The following CNTN3 variants were observed in gnomAD, a reference collection of about 807,000 sequenced individuals.
The protein encoded by CNTN3 is contactin-3.
In CNTN3, 60 loss-of-function variants were observed where a neutral mutation model predicts 119.1. The ratio of observed to expected loss-of-function variants is 0.50; its 90% CI spans 0.41 to 0.62. The LOEUF (loss-of-function observed/expected upper bound fraction) is 0.62, where lower values mean the gene tolerates loss of function less well. Among genes scored for constraint, CNTN3 ranks in the 20% least tolerant of loss-of-function variants. The pLI, the probability that CNTN3 is intolerant of heterozygous loss-of-function variation, is 0.00. For synonymous variants in CNTN3, 450 were observed against 438.7 expected, an observed-to-expected ratio of 1.03 and a Z score of -0.32; for missense variants, 1,101 against 1,242.4, an observed-to-expected ratio of 0.89 and a Z score of 1.71.
intron 15 of CNTN3, 33 bp from the exon 16 acceptor site, chr3:74,301,580 C>T: frequency 6.2e-7 from 1 of 1,612,242 alleles, no homozygotes; most frequent in Non-Finnish European, 8.5e-7. Context: ...TAAGAGTCTG[C>T]CTGCTTTAGC....
At chr3:74,443,746 G>A (rs1001788359) in intron 4 of CNTN3, among the ~76,000 whole-genome samples, 1 of 152,042 alleles carries the variant, frequency 6.6e-6, no homozygotes, top group Non-Finnish European at 1.5e-5. Flanking sequence ...CTAGGAGGTC[G>A]TTATTAATAG....
intron 4 of CNTN3, among the ~76,000 whole-genome samples, chr3:74,445,753 A>G (rs1242645651): frequency 1.3e-5 from 2 of 152,222 alleles, no homozygotes. Context: ...TAAGAATCAC[A>G]GGACAAGACA....
Position 74,463,493 on chromosome 3 carries a change from C to T in CNTN3, c.358+22963G>A, listed in dbSNP as rs189177066. On this transcript the variant is annotated intron_variant, in intron 4 of 22. Transcript: ENST00000263665. ...ATGGTTCTTTCTCTCATTATGATGC[C>T]GACCCCCTTCGTGAATGCCACTATG... is the stretch of plus-strand genomic sequence containing the variant. Among the ~76,000 whole-genome samples, 316 of 152,114 alleles carry T rather than the reference C, an allele frequency of 2.1e-3. 1 individual carries two copies. The highest frequency in any genetic ancestry group is 7.2e-3 in the African/African-American group (299 of 41,510).
chr3:74,395,159 CACAGG>C (rs1211212740), intron 5 of CNTN3, among the ~76,000 whole-genome samples: 1 of 152,090 alleles, frequency 6.6e-6, no homozygotes, highest in Non-Finnish European at 1.5e-5. Context: ...CCCTCAGCAT[CACAGG>C]ACAGGAACAT....
At chr3:74,466,349 A>C (rs776071527) in intron 4 of CNTN3, among the ~76,000 whole-genome samples, 29 of 152,182 alleles carry the variant, frequency 1.9e-4, no homozygotes, top group Non-Finnish European at 4.0e-4. Context: ...CAACACCAAA[A>C]TACAGTGTTA....
chr3:74,583,593 A>G (rs564734005), intron 1 of CNTN3, among the ~76,000 whole-genome samples: 1 of 152,176 alleles, frequency 6.6e-6, no homozygotes, highest in Non-Finnish European at 1.5e-5. Context: ...ACTGGAAATG[A>G]CCATGAGAGG....
At chr3:74,580,219 A>G (rs891483118) in intron 1 of CNTN3, among the ~76,000 whole-genome samples, 45 of 152,348 alleles carry the variant, frequency 3.0e-4, no homozygotes, top group African/African-American at 1.1e-3. Flanking sequence ...ATCAAAATAA[A>G]TTTTATCTAT....
In CNTN3 at chr3:74,394,441, A is replaced by G. The variant is rs1218684535; in HGVS notation, c.455-23042T>C. On this transcript the variant is annotated intron_variant, in intron 5 of 22. Coordinates refer to ENST00000263665, the MANE Select transcript of CNTN3 (RefSeq NM_020872.3). ...CCATTATAGAGCAAAATGGCAAAAG[A>G]TCTATCATTCCAGTGACATCAAGGG... Among the ~76,000 whole-genome samples the G allele has an allele frequency of 4.6e-5, 7 of 152,170 alleles. No homozygotes were observed. In the East Asian group the frequency reaches 1.4e-3, roughly 29 times the overall value.
chr3:74,320,398 C>G (rs1478971491), intron 13 of CNTN3, among the ~76,000 whole-genome samples: 1 of 152,062 alleles, frequency 6.6e-6, no homozygotes, highest in Non-Finnish European at 1.5e-5. Context: ...AACCATCACT[C>G]TCAGCAAACT....
intron 3 of CNTN3, among the ~76,000 whole-genome samples, chr3:74,489,723 A>G (rs1702928226): frequency 6.9e-6 from 1 of 144,510 alleles, no homozygotes; most frequent in South Asian, 2.1e-4. Flanking sequence ...TCATTGGTTT[A>G]TCAGTTGGAC....
At chr3:74,372,015 C>T (rs1019143112) in intron 5 of CNTN3, among the ~76,000 whole-genome samples, 4 of 152,126 alleles carry the variant, frequency 2.6e-5, no homozygotes, top group African/African-American at 9.7e-5. Context: ...AAGCTTGGTT[C>T]CAACATCAGG....
intron 11 of CNTN3, among the ~76,000 whole-genome samples, chr3:74,341,453 A>T (rs1471872300): frequency 6.6e-6 from 1 of 152,202 alleles, no homozygotes; most frequent in Non-Finnish European, 1.5e-5. Flanking sequence ...TTATGAAATT[A>T]ACATTCAGTG....
intron 1 of CNTN3, among the ~76,000 whole-genome samples, chr3:74,585,934 C>A (rs1453079481): frequency 2.0e-5 from 3 of 152,092 alleles, no homozygotes; most frequent in African/African-American, 7.2e-5. Flanking sequence ...TCCACAGAGG[C>A]ACAGTACGAA....
At chr3:74,474,122 G>C (rs1243838134) in intron 4 of CNTN3, among the ~76,000 whole-genome samples, 1 of 152,122 alleles carries the variant, frequency 6.6e-6, no homozygotes, top group Non-Finnish European at 1.5e-5. Flanking sequence ...GGTGAGAGGC[G>C]AGCTGACTCT....
chr3:74,339,901 AG>A (rs1197337232), intron 11 of CNTN3, among the ~76,000 whole-genome samples: 1 of 9,134 alleles, frequency 1.1e-4, no homozygotes, highest in Non-Finnish European at 2.1e-4. Flanking sequence ...ACAGATAGAT[AG>A]ATAGATAGAT....
intron 20 of CNTN3, among the ~76,000 whole-genome samples, chr3:74,273,965 G>T (rs1049353983): frequency 1.3e-5 from 2 of 152,152 alleles, no homozygotes; most frequent in Non-Finnish European, 2.9e-5. Context: ...TTTGCTGTCA[G>T]TGGGGGCACA....
intron 19 of CNTN3, among the ~76,000 whole-genome samples, chr3:74,291,989 G>C (rs865947527): frequency 3.9e-4 from 59 of 152,216 alleles, no homozygotes; most frequent in South Asian, 2.1e-4. Context: ...CAATGTCATT[G>C]GAAATTTCTC....
At chr3:74,329,680 C>T (rs763491859) in intron 13 of CNTN3, among the ~76,000 whole-genome samples, 1 of 152,160 alleles carries the variant, frequency 6.6e-6, no homozygotes, top group Non-Finnish European at 1.5e-5. Flanking sequence ...TTCTCTTGAA[C>T]TTTGGAATAT....
At chr3:74,556,461 G>T (rs1048724116) in intron 1 of CNTN3, among the ~76,000 whole-genome samples, 7 of 152,150 alleles carry the variant, frequency 4.6e-5, no homozygotes, top group African/African-American at 1.7e-4. Context: ...GTACATTCAT[G>T]AAATGTTAGT....
Sources: allele counts gnomAD v4.1 joint callset (sites outside exome capture counted in the v4.1 genomes callset), GRCh38; gene constraint gnomAD v4.1.1; transcripts MANE v1.5; gene names NCBI Gene and HGNC (gene_info 2026-07-23, HGNC 2026-07-21).